The following FHIT variants were observed in gnomAD, a reference collection of about 807,000 sequenced individuals.
The protein encoded by FHIT is bis(5'-adenosyl)-triphosphatase.
In FHIT, 19 loss-of-function variants were observed where a neutral mutation model predicts 17.9. The ratio of observed to expected loss-of-function variants is 1.06; its 90% confidence interval spans 0.74 to 1.56. FHIT has a LOEUF of 1.56. Ranked by LOEUF, FHIT falls within the 40% of genes most tolerant of loss-of-function variation. FHIT has a pLI of 0.00. For missense variants in FHIT, 248 were observed against 189.2 expected, an observed-to-expected ratio of 1.31 and a Z score of -1.82; for synonymous variants, 81 against 69.7, an observed-to-expected ratio of 1.16 and a Z score of -0.81.
intron 7 of FHIT, among the ~76,000 whole-genome samples, chr3:59,929,022 G>A (rs9682326): frequency 0.14 from 18,358 of 131,450 alleles, 1,791 homozygotes; most frequent in Middle Eastern, 0.22. Flanking sequence ...AAAAAAAAAG[G>A]ACAGATAATA....
In FHIT at chr3:60,344,763, G is replaced by A. The variant is rs779956811; in HGVS notation, c.103+192097C>T. Among the ~76,000 whole-genome samples the A allele has an allele frequency of 3.9e-5, 6 of 151,984 alleles. No homozygotes were observed. The East Asian group carries it at 5.8e-4, about 15-fold the overall frequency. Reference sequence around the variant, plus strand: ...TTTCTAATTGAAAAATAAGCCACACGAAAACTGTATTCTAACACTCTTTGG... The same window carrying A: ...TTTCTAATTGAAAAATAAGCCACACAAAAACTGTATTCTAACACTCTTTGG... On this transcript the variant is annotated intron_variant, in intron 5 of 9. Transcript: ENST00000492590.
intron 8 of FHIT, among the ~76,000 whole-genome samples, chr3:59,917,721 G>C (rs1462801069): frequency 6.6e-6 from 1 of 152,222 alleles, no homozygotes; most frequent in Non-Finnish European, 1.5e-5. Flanking sequence ...TTTTGAGACA[G>C]AAGAGAGGCT....
At chr3:60,698,297 AT>A (rs11324131) in intron 4 of FHIT, among the ~76,000 whole-genome samples, 16,614 of 151,964 alleles carry the variant, frequency 0.11, 1,950 homozygotes, top group African/African-American at 0.29. Context: ...ACACCACTCC[AT>A]AAGAATGCAG....
At chr3:61,245,457 A>C (rs72881734) in intron 1 of FHIT, among the ~76,000 whole-genome samples, 1 of 152,180 alleles carries the variant, frequency 6.6e-6, no homozygotes, top group Admixed American at 6.5e-5. Flanking sequence ...GAGTATCCTA[A>C]GTACTTGCTA....
intron 5 of FHIT, among the ~76,000 whole-genome samples, chr3:60,483,584 A>G (rs2033710921): frequency 1.3e-5 from 2 of 151,996 alleles, no homozygotes; most frequent in Admixed American, 1.3e-4. Context: ...AAACCACATG[A>G]TTATCTCAAT....
intron 3 of FHIT, among the ~76,000 whole-genome samples, chr3:61,016,163 G>A (rs2032093482): frequency 6.6e-6 from 1 of 152,272 alleles, no homozygotes; most frequent in African/African-American, 2.4e-5. Flanking sequence ...GATTTCCTAG[G>A]CAAGGCCTCT....
At chr3:59,936,520 G>A (rs1315002811) in intron 7 of FHIT, among the ~76,000 whole-genome samples, 1 of 152,008 alleles carries the variant, frequency 6.6e-6, no homozygotes, top group Non-Finnish European at 1.5e-5. Flanking sequence ...ATAAACATTC[G>A]AGTGAAGCCT....
intron 5 of FHIT, among the ~76,000 whole-genome samples, chr3:60,511,228 T>C (rs1395866116): frequency 6.6e-6 from 1 of 152,168 alleles, no homozygotes; most frequent in Non-Finnish European, 1.5e-5. Flanking sequence ...AAAATATGTA[T>C]CGTACTGAGA....
At chr3:60,815,496 C>A (rs540632862) in intron 4 of FHIT, among the ~76,000 whole-genome samples, 2 of 152,102 alleles carry the variant, frequency 1.3e-5, no homozygotes, top group East Asian at 3.9e-4. Flanking sequence ...AATAAGGAAA[C>A]CTTTCTCCAT....
chr3:60,626,939 C>A (rs2039305355), intron 4 of FHIT, among the ~76,000 whole-genome samples: 2 of 151,890 alleles, frequency 1.3e-5, no homozygotes, highest in African/African-American at 4.8e-5. Context: ...TTTTCTATGT[C>A]TATTGATATA....
intron 8 of FHIT, among the ~76,000 whole-genome samples, chr3:59,788,879 A>ATTTATTTTTTTTTTTTTTTTTTTT (rs896400961): frequency 3.0e-4 from 1 of 3,322 alleles, no homozygotes; most frequent in Non-Finnish European, 7.0e-4. Context: ...CTGAGTTCAT[A>ATTTATTTTTTTTTTTTTTTTTTTT]TGTTTTTTTT....
intron 2 of FHIT, among the ~76,000 whole-genome samples, chr3:61,072,867 C>T (rs1385179800): frequency 1.3e-5 from 2 of 152,104 alleles, no homozygotes; most frequent in African/African-American, 4.8e-5. Flanking sequence ...TTAGTATACA[C>T]AGTATATACT....
intron 4 of FHIT, among the ~76,000 whole-genome samples, chr3:60,628,473 TA>T (rs2039353208): frequency 6.6e-6 from 1 of 152,238 alleles, no homozygotes; most frequent in East Asian, 1.9e-4. Context: ...ACCCAGCTGT[TA>T]TGCTTCACTA....
chr3:60,624,895 G>GTTT (rs782663413), intron 4 of FHIT, among the ~76,000 whole-genome samples: 1 of 148,728 alleles, frequency 6.7e-6, no homozygotes, highest in Non-Finnish European at 1.5e-5. Flanking sequence ...CTTGTTTCTA[G>GTTT]TTTTTTTTTT....
At chr3:60,804,136 C>T (rs560685145) in intron 4 of FHIT, among the ~76,000 whole-genome samples, 1 of 152,308 alleles carries the variant, frequency 6.6e-6, no homozygotes, top group Non-Finnish European at 1.5e-5. Flanking sequence ...CTAACCATGG[C>T]AGCAGAGAGC....
In FHIT at chr3:60,037,609, T is replaced by C. The variant is rs141723449; in HGVS notation, c.104-23457A>G. ...GATGGCCAGCCTGGTCTCGAACTCC[T>C]AACCTCAGGTGATCCGCCCGACTTG... On this transcript the variant is annotated intron_variant, in intron 5 of 9. Transcript: ENST00000492590. Among the ~76,000 whole-genome samples the C allele has an allele frequency of 8.3e-3, 1,259 of 152,108 alleles. 24 individuals carry two copies. Among genetic ancestry groups the C allele is most frequent in the African/African-American group, 0.027 (1,110 of 41,478 alleles).
intron 5 of FHIT, among the ~76,000 whole-genome samples, chr3:60,403,534 T>G (rs745876999): frequency 6.6e-6 from 1 of 152,182 alleles, no homozygotes; most frequent in Non-Finnish European, 1.5e-5. Context: ...AAAAATATTA[T>G]TCTAATCCCT....
chr3:60,362,140 T>G (rs983543556), intron 5 of FHIT, among the ~76,000 whole-genome samples: 5 of 152,162 alleles, frequency 3.3e-5, no homozygotes, highest in African/African-American at 1.2e-4. Flanking sequence ...TATATATAGA[T>G]AGTGAAATGG....
intron 4 of FHIT, among the ~76,000 whole-genome samples, chr3:60,645,788 A>G (rs1387858890): frequency 6.6e-6 from 1 of 152,216 alleles, no homozygotes; most frequent in Non-Finnish European, 1.5e-5. Flanking sequence ...TCAAATAGTT[A>G]ACGCTATAAG....
Sources: allele counts gnomAD v4.1 joint callset (sites outside exome capture counted in the v4.1 genomes callset), GRCh38; gene constraint gnomAD v4.1.1; transcripts MANE v1.5; gene names NCBI Gene and HGNC (gene_info 2026-07-23, HGNC 2026-07-21).